The following GPHN variants were observed in gnomAD, a reference collection of about 807,000 sequenced individuals.
GPHN encodes gephyrin.
Under a neutral mutation model 95.5 loss-of-function variants are expected in GPHN, and 17 were observed. The ratio of observed to expected loss-of-function variants is 0.18; its 90% confidence interval spans 0.12 to 0.27. The LOEUF (loss-of-function observed/expected upper bound fraction) is 0.27, where lower values mean the gene tolerates loss of function less well. Ranked by LOEUF, GPHN falls within the 10% of genes least tolerant of loss-of-function variation. The probability of loss-of-function intolerance (pLI) is 1.00; values close to 1 mark genes in which losing one functional copy is unlikely to be tolerated. For synonymous variants in GPHN, 320 were observed against 322.5 expected (o/e 0.99, Z 0.08); for missense variants, 660 against 978.1 (o/e 0.67, Z 4.34).
At chr14:66,699,701 A>C (rs1051436299) in intron 2 of GPHN, among the ~76,000 whole-genome samples, 1 of 152,064 alleles carries the variant, frequency 6.6e-6, no homozygotes, top group African/African-American at 2.4e-5. Context: ...ACCTCTCACT[A>C]TTTGCTGTTT....
At chr14:66,516,793 T>C (rs1466765249) in intron 1 of GPHN, among the ~76,000 whole-genome samples, 2 of 152,168 alleles carry the variant, frequency 1.3e-5, no homozygotes, top group Non-Finnish European at 2.9e-5. Context: ...AAATTAATAA[T>C]CTTTAAAGTC....
At chr14:66,848,477 G>A (rs1403287019) in intron 4 of GPHN, among the ~76,000 whole-genome samples, 3 of 152,056 alleles carry the variant, frequency 2.0e-5, no homozygotes, top group Non-Finnish European at 4.4e-5. Flanking sequence ...TAACTACATG[G>A]TAAGGCTAAA....
At chr14:67,041,521 T>A (rs2074704714) in intron 10 of GPHN, among the ~76,000 whole-genome samples, 1 of 152,198 alleles carries the variant, frequency 6.6e-6, no homozygotes, top group South Asian at 2.1e-4. Context: ...TCCATCTTCA[T>A]CCATGTCTCT....
chr14:66,594,908 A>G (rs984767478), intron 1 of GPHN, among the ~76,000 whole-genome samples: 7 of 152,206 alleles, frequency 4.6e-5, no homozygotes, highest in African/African-American at 1.7e-4. Context: ...GTGAGACCAT[A>G]TGTCTGATAA....
the GPHN span, among the ~76,000 whole-genome samples, chr14:67,550,721 A>G: frequency 1.3e-5 from 2 of 152,226 alleles, no homozygotes; most frequent in African/African-American, 4.8e-5. Context: ...AACAAGATGT[A>G]TATGGAATCT....
intron 10 of GPHN, among the ~76,000 whole-genome samples, chr14:67,044,185 C>A (rs1468580718): frequency 5.3e-5 from 8 of 151,708 alleles, no homozygotes; most frequent in Non-Finnish European, 1.2e-4. Flanking sequence ...AAAAATACAA[C>A]AATTAGCCAG....
At chr14:66,646,149 A>G (rs1376738967) in intron 1 of GPHN, among the ~76,000 whole-genome samples, 3 of 152,198 alleles carry the variant, frequency 2.0e-5, no homozygotes, top group Non-Finnish European at 4.4e-5. Flanking sequence ...ACTTGAATAC[A>G]CATTTGTATT....
At chr14:67,299,059 C>G in the GPHN span, among the ~76,000 whole-genome samples, 1 of 152,212 alleles carries the variant, frequency 6.6e-6, no homozygotes, top group Non-Finnish European at 1.5e-5. Context: ...AATTTGACCA[C>G]TTACCTATTG....
At chr14:66,978,884 T>C (rs919456622) in intron 9 of GPHN, among the ~76,000 whole-genome samples, 1 of 152,230 alleles carries the variant, frequency 6.6e-6, no homozygotes, top group Non-Finnish European at 1.5e-5. Flanking sequence ...AAATTACTTC[T>C]TGATCTGTAG....
chr14:67,692,378 G>A, the GPHN span: 1 of 1,570,328 alleles, frequency 6.4e-7, no homozygotes, highest in Non-Finnish European at 8.7e-7. Context: ...TTTCCTTTTA[G>A]TTGAATCTGC....
At chr14:66,723,939 T>TTCTA (rs1011684358) in intron 2 of GPHN, among the ~76,000 whole-genome samples, 2 of 151,682 alleles carry the variant, frequency 1.3e-5, no homozygotes, top group African/African-American at 4.9e-5. Flanking sequence ...TTGTATAATT[T>TTCTA]TCTATCTGGA....
chr14:66,957,743 C>A (rs1443397159), intron 8 of GPHN, among the ~76,000 whole-genome samples: 2 of 152,058 alleles, frequency 1.3e-5, no homozygotes, highest in African/African-American at 4.8e-5. Context: ...TCCCCAAGCC[C>A]CAGGCCAAGG....
chr14:66,887,768 G>A (rs1441683844), intron 5 of GPHN, among the ~76,000 whole-genome samples: 1 of 152,158 alleles, frequency 6.6e-6, no homozygotes, highest in Non-Finnish European at 1.5e-5. Context: ...GCAAGCATCA[G>A]AAGTAGACAT....
intron 1 of GPHN, among the ~76,000 whole-genome samples, chr14:66,561,771 A>G (rs2060258337): frequency 6.6e-6 from 1 of 152,158 alleles, no homozygotes; most frequent in Non-Finnish European, 1.5e-5. Context: ...GCCTTAAGCA[A>G]TAAAAATTTG....
chr14:66,582,166 T>G (rs2061210273), intron 1 of GPHN, among the ~76,000 whole-genome samples: 2 of 152,002 alleles, frequency 1.3e-5, no homozygotes, highest in East Asian at 1.9e-4. Context: ...TTAAGAAGAT[T>G]GAAATTATGC....
intron 1 of GPHN, among the ~76,000 whole-genome samples, chr14:66,526,540 C>G (rs1324900595): frequency 6.6e-6 from 1 of 152,196 alleles, no homozygotes; most frequent in Admixed American, 6.5e-5. Context: ...TGAGAGAGTG[C>G]ATCCTTGTCT....
At chr14:67,275,367 A>C in the GPHN span, among the ~76,000 whole-genome samples, 1 of 152,154 alleles carries the variant, frequency 6.6e-6, no homozygotes, top group Non-Finnish European at 1.5e-5. Flanking sequence ...TTCTGCATCT[A>C]TTGAGATAAT....
the GPHN span, among the ~76,000 whole-genome samples, chr14:67,517,266 C>T: frequency 4.6e-5 from 7 of 152,284 alleles, no homozygotes; most frequent in South Asian, 1.5e-3. Flanking sequence ...CTGTGGCCGG[C>T]GGCTGGCAGC....
intron 5 of GPHN, among the ~76,000 whole-genome samples, chr14:66,883,133 T>C (rs1304030947): frequency 6.6e-6 from 1 of 151,926 alleles, no homozygotes; most frequent in Non-Finnish European, 1.5e-5. Context: ...TCCTTTTTTT[T>C]GCTGCTCCTA....
Sources: gnomAD v4.1 joint callset for allele counts (sites outside exome capture counted in the v4.1 genomes callset) on GRCh38, gnomAD v4.1.1 for gene constraint, MANE v1.5 for transcripts, NCBI Gene and HGNC (gene_info 2026-07-23, HGNC 2026-07-21) for gene names.